The following DYSF variants were observed in gnomAD, a reference collection of about 807,000 sequenced individuals.
DYSF encodes dysferlin.
DYSF carries 212 observed loss-of-function variants against 274.9 expected under a neutral mutation model. That is an observed-to-expected ratio of 0.77 (90% CI 0.69 to 0.86). The LOEUF (loss-of-function observed/expected upper bound fraction) is 0.86, where lower values mean the gene tolerates loss of function less well. Among genes scored for constraint, DYSF ranks in the 40% least tolerant of loss-of-function variants. The probability of loss-of-function intolerance (pLI) is 0.00; values close to 1 mark genes in which losing one functional copy is unlikely to be tolerated. For missense variants in DYSF, 2,666 were observed against 2,783.2 expected (o/e 0.96, Z 0.95); for synonymous variants, 1,091 against 1,078.7 (o/e 1.01, Z -0.22).
chr2:71,463,900 AGGGGGTCT>A (rs535645278), upstream of DYSF, among the ~76,000 whole-genome samples: 361 of 152,272 alleles, frequency 2.4e-3, 2 homozygotes, highest in African/African-American at 8.3e-3. Context: ...CTAGAAGGGA[AGGGGGTCT>A]GGATGGATGT....
In DYSF at chr2:71,564,142, G is replaced by C. The variant is rs1378656889; in HGVS notation, c.2494G>C (p.Val832Leu). ...VAYQRVPAHQ[V>L]LFSRRGANYC... ...ATACCAGCGGGTGCCCGCCCACCAA[G>C]TCCTCTTCTCCCGGCGGGGTGCCAA... The change falls in exon 24 of 56, where the codon GTC becomes CTC. Residue 832 changes from valine to leucine, a missense_variant. By Grantham distance (32) the Val-to-Leu change is conservative. This residue lies in a region of DYSF where 412 missense variants were observed against 504.0 expected (regional missense o/e 0.82). Transcript: ENST00000410020. 6.2e-7 allele frequency: 1 copy of C among 1,614,288 alleles called. No homozygotes were observed. The highest frequency in any genetic ancestry group is 8.5e-7 in the Non-Finnish European group (1 of 1,180,050).
chr2:71,668,138 G>A (rs1573085107), intron 48 of DYSF, among the ~76,000 whole-genome samples: 2 of 152,288 alleles, frequency 1.3e-5, no homozygotes, highest in South Asian at 4.1e-4. Flanking sequence ...AGTGAGCCAT[G>A]AGGATGCCTT....
Position 71,553,140 on chromosome 2 carries a change from T to G in DYSF, c.1936T>G (p.Cys646Gly), listed in dbSNP as rs1385168528. 6.2e-7 allele frequency: 1 copy of G among 1,613,966 alleles called. No individual in the cohort carries two copies. Among genetic ancestry groups the G allele is most frequent in the African/African-American group, 1.3e-5 (1 of 74,936 alleles). Residue 646 changes from cysteine (C) to glycine (G), a missense_variant, in exon 20 of 56, where the codon TGC becomes GGC. Transcript: ENST00000410020. Reference protein sequence around the residue: ...GNYGNKFDMTCLPLASTTQYS... With the variant: ...GNYGNKFDMTGLPLASTTQYS... ...CTACGGGAACAAGTTCGACATGACC[T>G]GCCTGCCGCTGGCCTCCACCACTCA...
intron 1 of DYSF, among the ~76,000 whole-genome samples, chr2:71,454,588 C>T (rs919324848): frequency 6.6e-6 from 1 of 152,204 alleles, no homozygotes. Context: ...AGGCACCCTA[C>T]CCTTGCTTTG....
intron 1 of DYSF, among the ~76,000 whole-genome samples, chr2:71,474,020 G>C (rs2082225944): frequency 6.8e-6 from 1 of 146,820 alleles, no homozygotes; most frequent in South Asian, 2.1e-4. Flanking sequence ...TCTGCCTCCC[G>C]GGTTCGAGTG....
chr2:71,590,146 C>G, intron 31 of DYSF, 65 bp from the exon 32 acceptor site: 2 of 1,547,782 alleles, frequency 1.3e-6, no homozygotes, highest in Non-Finnish European at 8.9e-7. Flanking sequence ...CACCTCCCCC[C>G]GAGCCCCAGC....
At chr2:71,617,500 G>T (rs2093910853) in intron 40 of DYSF, among the ~76,000 whole-genome samples, 1 of 152,028 alleles carries the variant, frequency 6.6e-6, no homozygotes, top group Non-Finnish European at 1.5e-5. Flanking sequence ...GCAAAGGCTT[G>T]GAAGTGGGAC....
chr2:71,568,251 C>T lies in DYSF; in HGVS notation c.2777C>T (p.Thr926Met), dbSNP rs571178452. Residue 926 changes from threonine to methionine, a missense_variant, in exon 26 of 56, where the codon ACG becomes ATG. Physicochemically the swap from Thr to Met is moderately conservative, Grantham distance 81 (BLOSUM62 -1). Transcript: ENST00000410020. The part of the protein sequence containing the change: ...GLTYPKFSDV[T>M]GKIKLPKDSF... ...ACCTACCCCAAGTTTTCTGACGTCA[C>T]GGGCAAGATCAAGCTACCCAAGGAC... The T allele has an allele frequency of 1.5e-5, 25 of 1,614,202 alleles. 1 individual carries two copies. Among genetic ancestry groups the T allele is most frequent in the South Asian group, 3.3e-5 (3 of 91,080 alleles).
chr2:71,673,642 G>A (rs928945786), intron 51 of DYSF, among the ~76,000 whole-genome samples: 1 of 152,090 alleles, frequency 6.6e-6, no homozygotes, highest in African/African-American at 2.4e-5. Flanking sequence ...GAGATGCCAG[G>A]TACAGAGCAA....
chr2:71,467,375 C>G (rs1162765325), intron 1 of DYSF, among the ~76,000 whole-genome samples: 1 of 152,046 alleles, frequency 6.6e-6, no homozygotes, highest in Non-Finnish European at 1.5e-5. Context: ...CATCTTTATC[C>G]AACATTGGCT....
intron 30 of DYSF, among the ~76,000 whole-genome samples, chr2:71,574,899 G>A (rs150959306): frequency 2.1e-4 from 32 of 152,312 alleles, no homozygotes; most frequent in African/African-American, 7.5e-4. Context: ...TAGGCTCAAG[G>A]TTCTCCAGGG....
chr2:71,618,043 TG>T (rs1306617191), intron 40 of DYSF, among the ~76,000 whole-genome samples: 2 of 71,332 alleles, frequency 2.8e-5, no homozygotes, highest in African/African-American at 4.9e-5. Context: ...AGAGATGGTG[TG>T]TGTGTGTGTG....
intron 41 of DYSF, among the ~76,000 whole-genome samples, chr2:71,622,140 T>TTTTTTTTTTTTC (rs2094121724): frequency 6.7e-6 from 1 of 148,788 alleles, no homozygotes; most frequent in Non-Finnish European, 1.5e-5. Flanking sequence ...GTTTTTTTTT[T>TTTTTTTTTTTTC]TTTTTTGTTA....
intron 1 of DYSF, among the ~76,000 whole-genome samples, chr2:71,458,628 A>T (rs1307017060): frequency 6.6e-6 from 1 of 152,132 alleles, no homozygotes; most frequent in Non-Finnish European, 1.5e-5. Context: ...AAACCTCTTC[A>T]GTCCCTCTCC....
intron 40 of DYSF, among the ~76,000 whole-genome samples, chr2:71,613,969 C>A (rs2093826830): frequency 6.6e-6 from 1 of 152,180 alleles, no homozygotes. Context: ...ATTCTAAGGT[C>A]TCCAGCCCTG....
chr2:71,494,312 G>A (rs1377417874), intron 3 of DYSF, among the ~76,000 whole-genome samples: 1 of 152,178 alleles, frequency 6.6e-6, no homozygotes, highest in Non-Finnish European at 1.5e-5. Flanking sequence ...GTCTGTCTCC[G>A]GATCTGGAGG....
At chr2:71,559,667 C>CTCCAT (rs1327764025) in intron 22 of DYSF, among the ~76,000 whole-genome samples, 5 of 152,240 alleles carry the variant, frequency 3.3e-5, no homozygotes, top group Admixed American at 6.5e-5. Flanking sequence ...GCTCCATCAG[C>CTCCAT]CAGGACGCCC....
intron 53 of DYSF, among the ~76,000 whole-genome samples, chr2:71,680,753 T>C (rs1181548154): frequency 6.6e-6 from 1 of 152,264 alleles, no homozygotes; most frequent in Non-Finnish European, 1.5e-5. Context: ...AAATCAGCTA[T>C]GATGCATGCA....
At chr2:71,482,824 G>A (rs190314103) in intron 3 of DYSF, among the ~76,000 whole-genome samples, 8 of 152,240 alleles carry the variant, frequency 5.3e-5, no homozygotes, top group Non-Finnish European at 8.8e-5. Flanking sequence ...CAGCAGGAGT[G>A]GGTTCGTGCT....
Sources: allele counts gnomAD v4.1 joint callset (sites outside exome capture counted in the v4.1 genomes callset), GRCh38; gene constraint gnomAD v4.1.1; regional missense constraint gnomAD v4.1.1; transcripts MANE v1.5; gene names NCBI Gene and HGNC (gene_info 2026-07-23, HGNC 2026-07-21).